The following NDST4 variants were observed in gnomAD, a reference collection of about 807,000 sequenced individuals.
NDST4 encodes N-heparan sulfate sulfotransferase 4.
NDST4 carries 63 observed loss-of-function variants against 100.8 expected under a neutral mutation model. The observed-to-expected ratio is 0.62, with a 90% confidence interval of 0.51 to 0.77. NDST4 has a LOEUF of 0.77. Ranked by LOEUF, NDST4 falls within the 30% of genes least tolerant of loss-of-function variation. NDST4 has a pLI of 0.00. For synonymous variants in NDST4, 377 were observed against 361.8 expected (o/e 1.04, Z -0.48); for missense variants, 943 against 1,018.4 (o/e 0.93, Z 1.01).
chr4:115,098,914 C>A (rs1010757996), intron 1 of NDST4, among the ~76,000 whole-genome samples: 8 of 152,130 alleles, frequency 5.3e-5, no homozygotes, highest in Admixed American at 3.3e-4. Context: ...CACTATGTTA[C>A]CTAGGCTGGT....
intron 2 of NDST4, among the ~76,000 whole-genome samples, chr4:115,048,827 C>A (rs1027959387): frequency 3.3e-5 from 5 of 151,676 alleles, no homozygotes; most frequent in Admixed American, 3.3e-4. Flanking sequence ...TTAGTAGAGA[C>A]GGGGTTTCAA....
intron 4 of NDST4, among the ~76,000 whole-genome samples, chr4:114,959,756 T>C (rs528385039): frequency 6.6e-6 from 1 of 152,126 alleles, no homozygotes; most frequent in South Asian, 2.1e-4. Flanking sequence ...AGGAAAAAAG[T>C]AGGAAAAATG....
intron 2 of NDST4, among the ~76,000 whole-genome samples, chr4:115,000,930 C>T (rs1023931812): frequency 3.3e-5 from 5 of 152,050 alleles, no homozygotes; most frequent in African/African-American, 7.2e-5. Flanking sequence ...TCACAGATGG[C>T]ATCTTCTATG....
At chr4:114,997,136 A>G (rs897070459) in intron 2 of NDST4, among the ~76,000 whole-genome samples, 2 of 151,942 alleles carry the variant, frequency 1.3e-5, no homozygotes, top group African/African-American at 4.8e-5. Flanking sequence ...AATATGATTC[A>G]TTTTCTAACT....
intron 4 of NDST4, among the ~76,000 whole-genome samples, chr4:114,964,156 A>T (rs774395967): frequency 7.2e-5 from 11 of 152,136 alleles, no homozygotes; most frequent in Non-Finnish European, 1.3e-4. Flanking sequence ...ATCCTGAATG[A>T]CCCACATGGC....
At chr4:114,858,930 T>C (rs1723860036) in intron 7 of NDST4, among the ~76,000 whole-genome samples, 1 of 152,220 alleles carries the variant, frequency 6.6e-6, no homozygotes, top group Non-Finnish European at 1.5e-5. Context: ...ACCATCCTGG[T>C]AGGGGTAATT....
chr4:114,871,502 T>C (rs1031186201), intron 6 of NDST4, among the ~76,000 whole-genome samples: 2 of 152,064 alleles, frequency 1.3e-5, no homozygotes, highest in Non-Finnish European at 2.9e-5. Context: ...ATATTAACTC[T>C]AAAAATATCA....
intron 13 of NDST4, among the ~76,000 whole-genome samples, chr4:114,828,304 C>T (rs1174077238): frequency 1.3e-5 from 2 of 151,960 alleles, no homozygotes; most frequent in Admixed American, 1.3e-4. Flanking sequence ...GATAAATGTA[C>T]ATACATTTTT....
intron 6 of NDST4, among the ~76,000 whole-genome samples, chr4:114,894,578 G>T (rs1488043222): frequency 6.6e-6 from 1 of 152,010 alleles, no homozygotes; most frequent in Non-Finnish European, 1.5e-5. Flanking sequence ...GTGATTTTTT[G>T]CACATTGATT....
At chr4:114,869,206 A>G (rs1724095360) in intron 7 of NDST4, among the ~76,000 whole-genome samples, 1 of 151,652 alleles carries the variant, frequency 6.6e-6, no homozygotes, top group African/African-American at 2.4e-5. Flanking sequence ...ACAATTCTTT[A>G]TCTTAAAAAT....
At chr4:114,942,582 G>C (rs1428801417) in intron 4 of NDST4, among the ~76,000 whole-genome samples, 1 of 151,842 alleles carries the variant, frequency 6.6e-6, no homozygotes, top group East Asian at 1.9e-4. Flanking sequence ...TTAGTAATTG[G>C]GTAAATGCAA....
At chr4:115,084,970 C>T (rs1034178666) in intron 1 of NDST4, among the ~76,000 whole-genome samples, 4 of 152,076 alleles carry the variant, frequency 2.6e-5, no homozygotes, top group Non-Finnish European at 4.4e-5. Context: ...CATCTTGCAT[C>T]ATGTACTTGA....
intron 1 of NDST4, among the ~76,000 whole-genome samples, chr4:115,111,606 TA>T (rs1374752658): frequency 3.3e-5 from 5 of 151,872 alleles, no homozygotes; most frequent in African/African-American, 4.8e-5. Context: ...TTAATCAATT[TA>T]AAAAATTCAA....
At chr4:114,953,487 A>C (rs779626173) in intron 4 of NDST4, among the ~76,000 whole-genome samples, 1 of 152,150 alleles carries the variant, frequency 6.6e-6, no homozygotes, top group Non-Finnish European at 1.5e-5. Context: ...CTAGGAACAT[A>C]GTTTAGGAGC....
In NDST4 at chr4:114,851,422, A is replaced by G. The variant is rs796929786; in HGVS notation, c.1816+1303T>C. On this transcript the variant is annotated intron_variant, in intron 8 of 13. Transcript: ENST00000264363. Reference sequence around the variant, plus strand: ...TCTTAGGAAAGCCAAAACCAGCTAAATGCTTTATCATTTCCATACTGGTAG... The same window carrying G: ...TCTTAGGAAAGCCAAAACCAGCTAAGTGCTTTATCATTTCCATACTGGTAG... Among the ~76,000 whole-genome samples the G allele has an allele frequency of 5.3e-5, 8 of 152,196 alleles. No individual in the cohort carries two copies. In the South Asian group the frequency reaches 1.7e-3, roughly 31 times the overall value.
intron 6 of NDST4, among the ~76,000 whole-genome samples, chr4:114,880,995 G>A (rs1326235482): frequency 1.3e-5 from 2 of 152,070 alleles, no homozygotes. Context: ...GTGCCTTCTA[G>A]AAACTAAAAG....
intron 2 of NDST4, among the ~76,000 whole-genome samples, chr4:115,072,892 C>A (rs905799627): frequency 1.3e-5 from 2 of 151,854 alleles, no homozygotes; most frequent in Non-Finnish European, 2.9e-5. Flanking sequence ...GAAGAGACAA[C>A]ATATGAAATG....
At chr4:115,057,844 A>T (rs1728736495) in intron 2 of NDST4, among the ~76,000 whole-genome samples, 2 of 152,124 alleles carry the variant, frequency 1.3e-5, no homozygotes, top group South Asian at 4.1e-4. Context: ...TCATTTTTGA[A>T]TGTAAGCTTA....
At chr4:114,830,950 A>G (rs559159207) in intron 12 of NDST4, among the ~76,000 whole-genome samples, 10 of 152,236 alleles carry the variant, frequency 6.6e-5, no homozygotes, top group South Asian at 2.1e-4. Context: ...TAGAGACCTG[A>G]ACCTTGCAGT....
Sources: allele counts gnomAD v4.1 joint callset (sites outside exome capture counted in the v4.1 genomes callset), GRCh38; gene constraint gnomAD v4.1.1; transcripts MANE v1.5; gene names NCBI Gene and HGNC (gene_info 2026-07-23, HGNC 2026-07-21).